PACRGL: variants seen among roughly 807,000 people sequenced by gnomAD.
The protein encoded by PACRGL is PACRG-like protein.
PACRGL carries 38 observed loss-of-function variants against 34.5 expected under a neutral mutation model. That is an observed-to-expected ratio of 1.10 (90% CI 0.85 to 1.44). The LOEUF (loss-of-function observed/expected upper bound fraction) is 1.44, where lower values mean the gene tolerates loss of function less well. PACRGL is among the 40% of genes most tolerant of loss of function. PACRGL has a pLI of 0.00. For synonymous variants in PACRGL, 128 were observed against 100.1 expected (o/e 1.28, Z -1.66); for missense variants, 305 against 281.4 (o/e 1.08, Z -0.60).
Position 20,727,406 on chromosome 4 carries a change from T to C in PACRGL, c.*65T>C. 2 of 1,307,280 alleles carry C rather than the reference T, an allele frequency of 1.5e-6. No homozygotes were observed. The highest frequency in any genetic ancestry group is 1.1e-6 in the Non-Finnish European group (1 of 907,240). The allele number at this position is 1,307,280 out of a possible 1,614,324, so 81.0% of individuals were successfully genotyped here. A position where few individuals can be genotyped will look rare whatever the true frequency, so the allele number is the denominator to read the frequency against. ...CGTGTCAAGCACTAACTGTGGGTAC[T>C]CATTTATTTTATTCTTTTGTAAATC... On this transcript the variant is annotated 3_prime_UTR_variant, in exon 9 of 9. Transcript: ENST00000503585.
the PACRGL span, among the ~76,000 whole-genome samples, chr4:20,764,707 C>CAA: frequency 1.3e-5 from 2 of 151,312 alleles, no homozygotes; most frequent in African/African-American, 2.4e-5. Context: ...CACACACACA[C>CAA]AACCCCATGA....
chr4:20,729,989 G>C lies in PACRGL; in HGVS notation c.*2648G>C. The C allele has an allele frequency of 7.1e-7, 1 of 1,418,078 alleles. No individual in the cohort carries two copies. The highest frequency in any genetic ancestry group is 9.4e-7 in the Non-Finnish European group (1 of 1,058,436). The allele number at this position is 1,418,078 out of a possible 1,614,324, so 87.8% of individuals were successfully genotyped here. ...TTTGCATAATATGCTTCAGTGTCAA[G>C]CTGAGCAATCTATGCTAAAAGTGGT... On this transcript the variant is annotated 3_prime_UTR_variant, in exon 9 of 9. Coordinates refer to ENST00000503585, the MANE Select transcript of PACRGL (RefSeq NM_001258345.3).
At chr4:20,701,521 T>G (rs958632155) in intron 1 of PACRGL, 1 of 173,018 alleles carries the variant, frequency 5.8e-6, no homozygotes, top group Admixed American at 5.6e-5. Context: ...TCTTACAGGT[T>G]CGCTTCTCCC....
chr4:20,748,247 A>G (rs771535563), intron 8 of PACRGL, among the ~76,000 whole-genome samples: 25 of 151,998 alleles, frequency 1.6e-4, no homozygotes, highest in Non-Finnish European at 3.2e-4. Context: ...TGTGTATTCT[A>G]TCTTCTTGAT....
At chr4:20,735,272 G>A (rs548996306), downstream of PACRGL, among the ~76,000 whole-genome samples, 8 of 152,124 alleles carry the variant, frequency 5.3e-5, no homozygotes, top group Non-Finnish European at 1.0e-4. Flanking sequence ...TATATTACTG[G>A]ATGGCTTTGT....
chr4:20,723,250 A>G (rs974001609), intron 7 of PACRGL, among the ~76,000 whole-genome samples: 5 of 152,266 alleles, frequency 3.3e-5, no homozygotes, highest in Non-Finnish European at 5.9e-5. Context: ...AACTACAGGA[A>G]TTTCACACTA....
At chr4:20,740,134 G>T (rs1750706603) in intron 8 of PACRGL, among the ~76,000 whole-genome samples, 2 of 152,170 alleles carry the variant, frequency 1.3e-5, no homozygotes, top group African/African-American at 2.4e-5. Flanking sequence ...GTGACGGGGA[G>T]AATTGAACCA....
Position 20,729,974 on chromosome 4 carries a change from A to G in PACRGL, c.*2633A>G, listed in dbSNP as rs534836902. The stretch of plus-strand genomic sequence containing the variant: ...TTAAAACAAAGCTTGTTTGCATAAT[A>G]TGCTTCAGTGTCAAGCTGAGCAATC... On this transcript the variant is annotated 3_prime_UTR_variant, in exon 9 of 9. Coordinates refer to ENST00000503585, the MANE Select transcript of PACRGL (RefSeq NM_001258345.3). The G allele has an allele frequency of 1.6e-6, 2 of 1,273,028 alleles. No individual in the cohort carries two copies. Among genetic ancestry groups the G allele is most frequent in the Admixed American group, 2.7e-5 (1 of 37,116 alleles). 78.9% of individuals were successfully genotyped at this position (1,273,028 alleles called of 1,614,324 possible). A position where few individuals can be genotyped will look rare whatever the true frequency, so the allele number is the denominator to read the frequency against.
intron 8 of PACRGL, among the ~76,000 whole-genome samples, chr4:20,749,018 C>T (rs549945605): frequency 1.3e-5 from 2 of 151,494 alleles, no homozygotes; most frequent in Admixed American, 6.6e-5. Context: ...TCTAGCTGGG[C>T]GTGGTGGCAC....
intron 7 of PACRGL, among the ~76,000 whole-genome samples, chr4:20,718,242 G>A (rs1310403961): frequency 6.6e-6 from 1 of 152,084 alleles, no homozygotes; most frequent in Non-Finnish European, 1.5e-5. Context: ...TGAGACGATG[G>A]GGTTTTCTAG....
chr4:20,721,667 C>G (rs563062608), intron 7 of PACRGL, among the ~76,000 whole-genome samples: 13 of 152,134 alleles, frequency 8.5e-5, no homozygotes, highest in African/African-American at 3.1e-4. Context: ...AATGTTGCTG[C>G]CTGATCGTTC....
intron 7 of PACRGL, chr4:20,716,090 A>T: frequency 2.6e-6 from 4 of 1,520,116 alleles, no homozygotes; most frequent in Non-Finnish European, 3.5e-6. Flanking sequence ...TTAATCTTTA[A>T]TATAAATATT....
chr4:20,709,184 A>C (rs1735961033), intron 4 of PACRGL, among the ~76,000 whole-genome samples: 2 of 152,068 alleles, frequency 1.3e-5, no homozygotes, highest in Non-Finnish European at 2.9e-5. Context: ...TTCAGGGGCC[A>C]CCACTTTGTA....
chr4:20,763,755 C>T, the PACRGL span, among the ~76,000 whole-genome samples: 1 of 152,242 alleles, frequency 6.6e-6, no homozygotes, highest in Non-Finnish European at 1.5e-5. Flanking sequence ...AAGATGGGAT[C>T]TCACTATGTT....
Position 20,712,720 on chromosome 4 carries a change from A to G in PACRGL, c.367-68A>G. 3.1e-6 allele frequency: 4 copies of G among 1,293,706 alleles called. No individual in the cohort carries two copies. The East Asian group carries it at 8.4e-5, about 27-fold the overall frequency. 80.1% of individuals were successfully genotyped at this position (1,293,706 alleles called of 1,614,324 possible). On this transcript the variant is annotated intron_variant, in intron 5 of 8. Coordinates refer to ENST00000503585, the MANE Select transcript of PACRGL (RefSeq NM_001258345.3). ...TTGATTTTTGTTTAAGCAAGTAAAGACTCAATTTTTCTGTTATTAGCATAA... is the reference window on the plus strand; with the variant it reads ...TTGATTTTTGTTTAAGCAAGTAAAGGCTCAATTTTTCTGTTATTAGCATAA...
chr4:20,757,626 T>A (rs1754590480), downstream of PACRGL, among the ~76,000 whole-genome samples: 1 of 152,174 alleles, frequency 6.6e-6, no homozygotes, highest in Non-Finnish European at 1.5e-5. Flanking sequence ...TTGCCTAAAA[T>A]GTCATGTCCC....
At chr4:20,714,311 G>C (rs1299060489) in intron 7 of PACRGL, among the ~76,000 whole-genome samples, 1 of 152,140 alleles carries the variant, frequency 6.6e-6, no homozygotes, top group Non-Finnish European at 1.5e-5. Context: ...TCCAAGACTA[G>C]AACTGCAACC....
downstream of PACRGL, among the ~76,000 whole-genome samples, chr4:20,753,698 G>A (rs575837153): frequency 5.9e-5 from 9 of 152,116 alleles, no homozygotes; most frequent in Non-Finnish European, 1.2e-4. Context: ...TGTGTGAATA[G>A]TAGCTTCTGT....
chr4:20,710,265 G>C (rs1412889164), intron 5 of PACRGL, among the ~76,000 whole-genome samples: 2 of 151,930 alleles, frequency 1.3e-5, no homozygotes, highest in African/African-American at 4.8e-5. Flanking sequence ...TCATGGAGGT[G>C]GTTTTATAGA....
Sources: allele counts gnomAD v4.1 joint callset (sites outside exome capture counted in the v4.1 genomes callset), GRCh38; gene constraint gnomAD v4.1.1; transcripts MANE v1.5; gene names NCBI Gene and HGNC (gene_info 2026-07-23, HGNC 2026-07-21).